The following SELENOK variants were observed in gnomAD, a reference collection of about 807,000 sequenced individuals.
SELENOK encodes selenoprotein K.
A neutral mutation model predicts 17.3 loss-of-function variants in SELENOK; 11 were observed. That is an observed-to-expected ratio of 0.63 (90% CI 0.40 to 1.05). SELENOK has a LOEUF of 1.05. Among genes scored for constraint, SELENOK ranks in the 50% least tolerant of loss-of-function variants. The pLI, the probability that SELENOK is intolerant of heterozygous loss-of-function variation, is 0.00. For missense variants in SELENOK, 125 were observed against 113.9 expected (o/e 1.10, Z -0.44); for synonymous variants, 45 against 35.4 (o/e 1.27, Z -0.97).
In SELENOK at chr3:53,886,944, G is replaced by A. The variant is rs545136151; in HGVS notation, c.111-10C>T. On this transcript the variant is annotated splice_polypyrimidine_tract_variant and intron_variant, in intron 2 of 4. Transcript: ENST00000495461. ...AAGCAGAGTTTTGAAACTGAAACAA[G>A]GGGCAGAAAACAACAAAGGTATCAC... 5.8e-6 allele frequency: 9 copies of A among 1,539,644 alleles called. No individual in the cohort carries two copies. In the South Asian group the frequency reaches 8.7e-5, roughly 15 times the overall value.
chr3:53,889,351 A>G (rs1021672355), intron 1 of SELENOK, among the ~76,000 whole-genome samples: 2 of 152,186 alleles, frequency 1.3e-5, no homozygotes, highest in African/African-American at 2.4e-5. Context: ...AACCTCATAA[A>G]AGAAGAATAA....
chr3:53,885,606 G>T, intron 4 of SELENOK, 45 bp from the exon 5 acceptor site: 1 of 1,576,398 alleles, frequency 6.3e-7, no homozygotes. Context: ...TATTAATTTG[G>T]ATCTGTGTGA....
intron 1 of SELENOK, 56 bp downstream of exon 1, chr3:53,891,714 C>T: frequency 6.2e-7 from 1 of 1,607,718 alleles, no homozygotes; most frequent in Non-Finnish European, 8.5e-7. Context: ...ATGAAAGGAA[C>T]CTGGAGTCCG....
intron 4 of SELENOK, 100 bp from the exon 5 acceptor site, chr3:53,885,661 T>G: frequency 7.4e-7 from 1 of 1,349,138 alleles, no homozygotes; most frequent in Non-Finnish European, 1.0e-6. Flanking sequence ...TCAAAAGACA[T>G]TTTGATAACA....
chr3:53,885,610 T>A lies in SELENOK; in HGVS notation c.282-49A>T, dbSNP rs531673981. ...TAGTTACTGGTTATTAATTTGGATC[T>A]GTGTGAAAACCTCAACATATTACAT... is the stretch of plus-strand genomic sequence containing the variant. On this transcript the variant is annotated intron_variant, in intron 4 of 4. Coordinates refer to ENST00000495461, the MANE Select transcript of SELENOK (RefSeq NM_021237.5). The A allele has an allele frequency of 3.8e-6, 6 of 1,568,834 alleles. No individual in the cohort carries two copies. The South Asian group carries it at 5.6e-5, about 15-fold the overall frequency.
chr3:53,889,716 G>A (rs77937789), intron 1 of SELENOK, among the ~76,000 whole-genome samples: 1 of 152,102 alleles, frequency 6.6e-6, no homozygotes, highest in Non-Finnish European at 1.5e-5. Flanking sequence ...TGTATAAAAA[G>A]ATTGCGTATT....
Position 53,886,929 on chromosome 3 carries a change from T to C in SELENOK, c.116A>G (p.Lys39Arg). The change falls in exon 3 of 5, where the codon AAA becomes AGA. Residue 39 changes from lysine to arginine, a missense_variant. Transcript: ENST00000495461. ...TTTCACATCTTGCTGAAGCAGAGTT[T>C]TGAAACTGAAACAAGGGGCAGAAAA... ...GIAEFVVLFF[K>R]TLLQQDVKKR... 3.9e-6 allele frequency: 6 copies of C among 1,557,596 alleles called. No individual in the cohort carries two copies. The highest frequency in any genetic ancestry group is 5.2e-6 in the Non-Finnish European group (6 of 1,150,124).
intron 4 of SELENOK, 75 bp from the exon 5 acceptor site, chr3:53,885,636 G>T: frequency 7.0e-7 from 1 of 1,438,464 alleles, no homozygotes; most frequent in Non-Finnish European, 9.7e-7. Flanking sequence ...CATATTACAT[G>T]TTATAAAATC....
intron 1 of SELENOK, among the ~76,000 whole-genome samples, chr3:53,889,895 A>G (rs1700155475): frequency 6.6e-6 from 1 of 152,218 alleles, no homozygotes; most frequent in South Asian, 2.1e-4. Context: ...CTTAAGCAAA[A>G]CTGGATCTAT....
chr3:53,885,869 G>T lies in SELENOK; in HGVS notation c.238C>A (p.Leu80Met), dbSNP rs1209462907. 5 of 1,577,426 alleles carry T rather than the reference G, an allele frequency of 3.2e-6. No homozygotes were observed. The highest frequency in any genetic ancestry group is 4.3e-6 in the Non-Finnish European group (5 of 1,164,624). The stretch of plus-strand genomic sequence containing the variant: ...ATTGGAGGGGGACTAGGGCCACGCA[G>T]ATGATTGATTCTACCCATTCTTCGG... The part of the protein sequence containing the change: ...PPRRMGRINH[L>M]RGPSPPPMAG... The change falls in exon 4 of 5, where the codon CTG (leucine) becomes ATG (methionine). Residue 80 changes from leucine (L) to methionine (M), a missense_variant. Physicochemically the swap from Leu to Met is conservative, Grantham distance 15 (BLOSUM62 2). Coordinates refer to ENST00000495461, the MANE Select transcript of SELENOK (RefSeq NM_021237.5).
intron 1 of SELENOK, among the ~76,000 whole-genome samples, 190 bp downstream of exon 1, chr3:53,891,576 CCCGA>C (rs1160770438): frequency 6.6e-6 from 1 of 152,194 alleles, no homozygotes; most frequent in Non-Finnish European, 1.5e-5. Flanking sequence ...GACCTCGGCC[CCCGA>C]CTGCCGGCTC....
At chr3:53,887,425 G>A (rs1364422833) in intron 2 of SELENOK, among the ~76,000 whole-genome samples, 1 of 152,230 alleles carries the variant, frequency 6.6e-6, no homozygotes, top group Non-Finnish European at 1.5e-5. Context: ...ACAACATGGA[G>A]TAGGTGAAAT....
Position 53,885,010 on chromosome 3 carries a change from G to T in SELENOK, c.*548C>A, listed in dbSNP as rs1034648710. ...TTAGCTATGGTTTTATAAATACCCTGATAATTACATTTGGTAGCAAATTAG... is the reference window on the plus strand; with the variant it reads ...TTAGCTATGGTTTTATAAATACCCTTATAATTACATTTGGTAGCAAATTAG... On this transcript the variant is annotated 3_prime_UTR_variant, in exon 5 of 5. Coordinates refer to ENST00000495461, the MANE Select transcript of SELENOK (RefSeq NM_021237.5). The T allele has an allele frequency of 6.6e-6, 1 of 152,202 alleles. No homozygotes were observed. Among genetic ancestry groups the T allele is most frequent in the Non-Finnish European group, 1.5e-5 (1 of 68,048 alleles). 9.4% of individuals were successfully genotyped at this position (152,202 alleles called of 1,614,324 possible). A position where few individuals can be genotyped will look rare whatever the true frequency, so the allele number is the denominator to read the frequency against.
chr3:53,886,858 C>G lies in SELENOK; in HGVS notation c.187G>C (p.Gly63Arg). The part of the protein sequence containing the change: ...GNSSDSRYDD[G>R]RGPPGNPPRR... ...CAATTTAAAAAGCTGTACCCTCTTC[C>G]ATCATCATATCTGGAATCAGATGAG... The change falls in exon 3 of 5, where the codon GGA becomes CGA. Residue 63 changes from glycine to arginine, a missense_variant. Physicochemically the swap from Gly to Arg is moderately radical, Grantham distance 125. Coordinates refer to ENST00000495461, the MANE Select transcript of SELENOK (RefSeq NM_021237.5). 6.4e-7 allele frequency: 1 copy of G among 1,555,834 alleles called. No homozygotes were observed.
Position 53,885,215 on chromosome 3 carries a change from TTTTA to T in SELENOK, c.*339_*342del, listed in dbSNP as rs1204788637. The T allele has an allele frequency of 3.6e-5, 7 of 194,714 alleles. No homozygotes were observed. Among genetic ancestry groups the T allele is most frequent in the African/African-American group, 1.2e-4 (5 of 43,202 alleles). The allele number at this position is 194,714 out of a possible 1,614,324, so 12.1% of individuals were successfully genotyped here. ...CACTAACAGTGCTAAATACACAGGC[TTTTA>T]TTTGTTTTCTTCAGATTGCTTTTTC... On this transcript the variant is annotated 3_prime_UTR_variant, in exon 5 of 5. Coordinates refer to ENST00000495461, the MANE Select transcript of SELENOK (RefSeq NM_021237.5).
At position 53,891,630 on chromosome 3, in the gene SELENOK, C is replaced by A; in HGVS notation, c.19+140G>T. On this transcript the variant is annotated intron_variant, in intron 1 of 4. Transcript: ENST00000495461. ...GACGCGCCGCAAGCCGAGGCGACTT[C>A]GGTCCAGCTCCGCCCGGCCGCGGGG... The A allele has an allele frequency of 3.6e-6, 4 of 1,102,540 alleles. 1 individual carries two copies. Among genetic ancestry groups the A allele is most frequent in the South Asian group, 2.7e-5 (2 of 72,982 alleles). 68.3% of individuals were successfully genotyped at this position (1,102,540 alleles called of 1,614,324 possible).
chr3:53,885,590 A>G, intron 4 of SELENOK, 29 bp from the exon 5 acceptor site: 3 of 1,602,844 alleles, frequency 1.9e-6, no homozygotes, highest in Non-Finnish European at 2.6e-6. Context: ...ATAATTAGTT[A>G]CTGGTTATTA....
rs1272939603 is a variant in SELENOK at position 53,886,704 on chromosome 3, T to G, written c.194+147A>C. 1.7e-5 allele frequency: 8 copies of G among 484,342 alleles called. No individual in the cohort carries two copies. In the South Asian group the frequency reaches 3.6e-4, roughly 22 times the overall value. The allele number at this position is 484,342 out of a possible 1,614,324, so 30.0% of individuals were successfully genotyped here. On this transcript the variant is annotated intron_variant, in intron 3 of 4. Coordinates refer to ENST00000495461, the MANE Select transcript of SELENOK (RefSeq NM_021237.5). Reference sequence around the variant, plus strand: ...TGATTATTATCAAATCAGAAGCAATTTGACTTTTAATTTACAGTAATGCAT... The same window carrying G: ...TGATTATTATCAAATCAGAAGCAATGTGACTTTTAATTTACAGTAATGCAT...
Position 53,885,580 on chromosome 3 carries a change from A to G in SELENOK, c.282-19T>C, listed in dbSNP as rs1700119178. 1 of 1,607,382 alleles carries G rather than the reference A, an allele frequency of 6.2e-7. No homozygotes were observed. The highest frequency in any genetic ancestry group is 1.3e-5 in the African/African-American group (1 of 74,720). On this transcript the variant is annotated intron_variant, in intron 4 of 4. Transcript: ENST00000495461. ...CATTTACCTGAAAGAAAATGTTACA[A>G]TAATTAGTTACTGGTTATTAATTTG...
Sources: gnomAD v4.1 joint callset for allele counts (sites outside exome capture counted in the v4.1 genomes callset) on GRCh38, gnomAD v4.1.1 for gene constraint, MANE v1.5 for transcripts, NCBI Gene and HGNC (gene_info 2026-07-23, HGNC 2026-07-21) for gene names.